CES5A: variants seen among roughly 807,000 people sequenced by gnomAD.
CES5A encodes carboxylesterase 5A.
Under a neutral mutation model 62.9 loss-of-function variants are expected in CES5A, and 67 were observed. That is an observed-to-expected ratio of 1.07 (90% CI 0.88 to 1.31). The LOEUF is 1.31. CES5A is among the 50% of genes most tolerant of loss of function. CES5A has a pLI of 0.00. For missense variants in CES5A, 748 were observed against 708.5 expected (o/e 1.06, Z -0.63); for synonymous variants, 296 against 280.8 (o/e 1.05, Z -0.54).
intron 2 of CES5A, among the ~76,000 whole-genome samples, chr16:55,936,964 G>A (rs2034383199): frequency 6.6e-6 from 1 of 152,098 alleles, no homozygotes; most frequent in Non-Finnish European, 1.5e-5. Context: ...TGACAGATGA[G>A]GAAACTGAGG....
At chr16:55,894,052 T>A (rs1162332993) in intron 1 of CES5A, among the ~76,000 whole-genome samples, 1 of 151,650 alleles carries the variant, frequency 6.6e-6, no homozygotes, top group Non-Finnish European at 1.5e-5. Context: ...TTAGAAAAAA[T>A]AGAAACCAAA....
chr16:55,855,520 C>A (rs143221660), intron 9 of CES5A, among the ~76,000 whole-genome samples: 1 of 152,162 alleles, frequency 6.6e-6, no homozygotes, highest in Non-Finnish European at 1.5e-5. Flanking sequence ...TCCCCAGTCC[C>A]ATGTGTGTTT....
intron 2 of CES5A, among the ~76,000 whole-genome samples, chr16:55,938,390 C>T (rs938651776): frequency 2.6e-5 from 4 of 151,952 alleles, no homozygotes; most frequent in African/African-American, 9.7e-5. Flanking sequence ...ATTGCTCTCT[C>T]AAGGAAGGGG....
At chr16:55,877,902 G>T (rs2033715253), upstream of CES5A, among the ~76,000 whole-genome samples, 1 of 152,196 alleles carries the variant, frequency 6.6e-6, no homozygotes, top group African/African-American at 2.4e-5. Flanking sequence ...ATTCGGGGAG[G>T]AGGGAGTAGG....
At chr16:55,863,578 G>A (rs1597119036) in intron 5 of CES5A, 126 bp from the exon 6 acceptor site, 1 of 638,840 alleles carries the variant, frequency 1.6e-6, no homozygotes, top group South Asian at 1.9e-5. Context: ...GGGGAAAAAA[G>A]CCCTGGTTTA....
chr16:55,945,944 T>G (rs1382079854), intron 2 of CES5A, among the ~76,000 whole-genome samples: 1 of 152,022 alleles, frequency 6.6e-6, no homozygotes, highest in Non-Finnish European at 1.5e-5. Context: ...GATTTGACCC[T>G]CCTGAGCAAT....
chr16:55,861,527 G>A lies in CES5A; in HGVS notation c.811-11C>T. The stretch of plus-strand genomic sequence containing the variant: ...TGCAACCACCTGCAGCTATTTTGTA[G>A]AGAAGGACCGGGTTAGAGCATGATA... On this transcript the variant is annotated splice_polypyrimidine_tract_variant and intron_variant, in intron 6 of 12. Coordinates refer to ENST00000290567, the MANE Select transcript of CES5A (RefSeq NM_001143685.2). 3 of 1,578,092 alleles carry A rather than the reference G, an allele frequency of 1.9e-6. No individual in the cohort carries two copies. The highest frequency in any genetic ancestry group is 2.2e-5 in the East Asian group (1 of 44,674).
At chr16:55,916,315 G>A (rs867910543) in intron 1 of CES5A, among the ~76,000 whole-genome samples, 48 of 152,192 alleles carry the variant, frequency 3.2e-4, no homozygotes, top group Admixed American at 8.5e-4. Flanking sequence ...CACCCTAGCA[G>A]AATTCAGCCT....
intron 9 of CES5A, among the ~76,000 whole-genome samples, chr16:55,855,963 T>A (rs1440761269): frequency 6.6e-6 from 1 of 152,132 alleles, no homozygotes; most frequent in Admixed American, 6.5e-5. Flanking sequence ...GCTGTTCTCA[T>A]GATAGAGTTC....
At chr16:55,949,208 A>T (rs1165309153) in intron 2 of CES5A, among the ~76,000 whole-genome samples, 4 of 148,820 alleles carry the variant, frequency 2.7e-5, no homozygotes, top group African/African-American at 1.0e-4. Context: ...TCTTGGGGTC[A>T]CTGCCAGCGT....
intron 4 of CES5A, among the ~76,000 whole-genome samples, chr16:55,868,928 T>A (rs1366531843): frequency 6.6e-6 from 1 of 152,158 alleles, no homozygotes; most frequent in Non-Finnish European, 1.5e-5. Flanking sequence ...GAGGGTGAGT[T>A]GAAATAATGC....
intron 1 of CES5A, chr16:55,925,173 A>C (rs747289177): frequency 1.6e-4 from 24 of 152,106 alleles, no homozygotes; most frequent in Non-Finnish European, 3.4e-4. Flanking sequence ...AATAGCAAAT[A>C]AACAATCCAA....
intron 1 of CES5A, among the ~76,000 whole-genome samples, chr16:55,880,587 C>T (rs972904196): frequency 6.6e-6 from 1 of 152,186 alleles, no homozygotes. Context: ...ACAGCAGACC[C>T]TCAGTGAGAT....
chr16:55,953,772 T>C (rs1280763276), intron 1 of CES5A, among the ~76,000 whole-genome samples: 1 of 152,164 alleles, frequency 6.6e-6, no homozygotes, highest in African/African-American at 2.4e-5. Flanking sequence ...ACATAGTAGA[T>C]GTATATATTT....
At chr16:55,929,918 C>G (rs1359782422), upstream of CES5A, among the ~76,000 whole-genome samples, 1 of 152,108 alleles carries the variant, frequency 6.6e-6, no homozygotes, top group Non-Finnish European at 1.5e-5. Context: ...ACCTTGCTCT[C>G]CTCAGCTTAA....
intron 1 of CES5A, among the ~76,000 whole-genome samples, chr16:55,923,252 AG>A (rs1474959816): frequency 3.3e-5 from 5 of 151,710 alleles, no homozygotes; most frequent in African/African-American, 1.2e-4. Flanking sequence ...TTTTTTAAGA[AG>A]ATAAAATAAC....
At chr16:55,867,357 G>A (rs570932886) in intron 4 of CES5A, among the ~76,000 whole-genome samples, 15 of 152,284 alleles carry the variant, frequency 9.9e-5, no homozygotes, top group African/African-American at 2.2e-4. Flanking sequence ...CATGTTTCCC[G>A]GGATGGGATT....
In CES5A at chr16:55,846,813, A is replaced by G; in HGVS notation, c.1451T>C (p.Leu484Pro). The G allele has an allele frequency of 6.2e-7, 1 of 1,614,176 alleles. No individual in the cohort carries two copies. Among genetic ancestry groups the G allele is most frequent in the Non-Finnish European group, 8.5e-7 (1 of 1,180,022 alleles). Residue 484 changes from leucine to proline, a missense_variant, in exon 12 of 13, where the codon CTG becomes CCG. Leu to Pro is a moderately conservative substitution (Grantham distance 98). Coordinates refer to ENST00000290567, the MANE Select transcript of CES5A (RefSeq NM_001143685.2). Reference protein sequence around the residue: ...FEGATEEEKLLSRKMMKYWAT... With the variant: ...FEGATEEEKLPSRKMMKYWAT... ...CCAGTATTTCATCATCTTCCGGCTC[A>G]GTAACTTCTCCTCCTCCGTGGCTCC...
At chr16:55,896,184 G>T (rs988712799) in intron 1 of CES5A, among the ~76,000 whole-genome samples, 1 of 152,166 alleles carries the variant, frequency 6.6e-6, no homozygotes, top group Non-Finnish European at 1.5e-5. Flanking sequence ...GAGAGCATGT[G>T]CAGGGGAACT....
Sources: gnomAD v4.1 joint callset for allele counts (sites outside exome capture counted in the v4.1 genomes callset) on GRCh38, gnomAD v4.1.1 for gene constraint, MANE v1.5 for transcripts, NCBI Gene and HGNC (gene_info 2026-07-23, HGNC 2026-07-21) for gene names.